Variants in TMEM132C observed in about 807,000 individuals in gnomAD.
TMEM132C encodes transmembrane protein 132C.
In TMEM132C, 29 loss-of-function variants were observed where a neutral mutation model predicts 61.4. The observed-to-expected ratio is 0.47, with a 90% CI of 0.35 to 0.64. TMEM132C has a LOEUF of 0.64. TMEM132C is among the 30% of genes least tolerant of loss of function. TMEM132C has a pLI of 0.00. For synonymous variants in TMEM132C, 656 were observed against 633.1 expected (o/e 1.04, Z -0.54); for missense variants, 1,408 against 1,476.9 (o/e 0.95, Z 0.76).
intron 2 of TMEM132C, among the ~76,000 whole-genome samples, chr12:128,492,005 T>A (rs1398411318): frequency 6.6e-6 from 1 of 151,882 alleles, no homozygotes; most frequent in Non-Finnish European, 1.5e-5. Context: ...CCCCACTCCC[T>A]GCACCCCACG....
intron 1 of TMEM132C, among the ~76,000 whole-genome samples, chr12:128,407,984 G>A (rs1281661632): frequency 6.6e-6 from 1 of 152,066 alleles, no homozygotes; most frequent in Non-Finnish European, 1.5e-5. Flanking sequence ...TTTATGGAAA[G>A]TGAAGCTCCC....
chr12:128,477,890 A>G (rs1365501692), intron 2 of TMEM132C, among the ~76,000 whole-genome samples: 1 of 152,216 alleles, frequency 6.6e-6, no homozygotes, highest in East Asian at 1.9e-4. Context: ...CTGGGCAGGC[A>G]CCTTTTTATT....
intron 1 of TMEM132C, among the ~76,000 whole-genome samples, chr12:128,287,120 T>C (rs1426063149): frequency 6.6e-6 from 1 of 152,172 alleles, no homozygotes; most frequent in Non-Finnish European, 1.5e-5. Context: ...GGCAAGATTA[T>C]TGTTTATTGC....
intron 2 of TMEM132C, among the ~76,000 whole-genome samples, chr12:128,440,256 A>G (rs1032879205): frequency 2.0e-5 from 3 of 152,200 alleles, no homozygotes; most frequent in Non-Finnish European, 2.9e-5. Flanking sequence ...TTTTGTCTCT[A>G]CAAGGCTTTA....
chr12:128,334,655 G>A (rs932699628), intron 1 of TMEM132C, among the ~76,000 whole-genome samples: 6 of 150,572 alleles, frequency 4.0e-5, no homozygotes, highest in Admixed American at 2.6e-4. Flanking sequence ...GAGTGCAGTA[G>A]CCCAATCTCA....
At chr12:128,571,623 C>T (rs917875997) in intron 3 of TMEM132C, among the ~76,000 whole-genome samples, 2 of 152,152 alleles carry the variant, frequency 1.3e-5, no homozygotes, top group African/African-American at 4.8e-5. Flanking sequence ...CTCATCTAAG[C>T]ACCTCGTGTA....
At chr12:128,538,066 G>T (rs769362902) in intron 2 of TMEM132C, among the ~76,000 whole-genome samples, 7 of 151,934 alleles carry the variant, frequency 4.6e-5, no homozygotes, top group Non-Finnish European at 7.4e-5. Flanking sequence ...CCATAGCTGG[G>T]ACTACAGGCA....
rs149861819 is a variant in TMEM132C at position 128,702,412 on chromosome 12, T to C, written c.2122-2678T>C. Among the ~76,000 whole-genome samples, 1,363 of 152,316 alleles carry C rather than the reference T, an allele frequency of 8.9e-3. 89 individuals carry two copies. Among genetic ancestry groups the C allele is most frequent in the Admixed American group, 0.075 (1,145 of 15,294 alleles). On this transcript the variant is annotated intron_variant, in intron 8 of 8. Coordinates refer to ENST00000435159, the MANE Select transcript of TMEM132C (RefSeq NM_001136103.3). The stretch of plus-strand genomic sequence containing the variant: ...TTTCATAAATAACATTATTTATTGT[T>C]TTATTTCATAGACTGTTGTTTTTTG...
At chr12:128,317,515 A>G (rs1464208295) in intron 1 of TMEM132C, among the ~76,000 whole-genome samples, 4 of 152,206 alleles carry the variant, frequency 2.6e-5, no homozygotes, top group African/African-American at 9.6e-5. Context: ...TATAGTCTAC[A>G]TTTCTTTTCT....
At position 128,498,516 on chromosome 12, in the gene TMEM132C, A is replaced by T. The variant is rs529237960; in HGVS notation, c.975-45441A>T. Among the ~76,000 whole-genome samples, 29 of 152,194 alleles carry T rather than the reference A, an allele frequency of 1.9e-4. 1 individual carries two copies. Among genetic ancestry groups the T allele is most frequent in the Admixed American group, 9.8e-4 (15 of 15,288 alleles). On this transcript the variant is annotated intron_variant, in intron 2 of 8. Transcript: ENST00000435159. ...CATGGTGAAACCCTATCTCTATTAA[A>T]AATACAAAATTAGCTGGGTTTGGTG...
At chr12:128,279,712 C>T (rs1566040140) in intron 1 of TMEM132C, among the ~76,000 whole-genome samples, 1 of 152,178 alleles carries the variant, frequency 6.6e-6, no homozygotes, top group African/African-American at 2.4e-5. Context: ...GCCAAGGGCA[C>T]CTCCTCATGG....
chr12:128,356,991 A>C (rs1398312058), intron 1 of TMEM132C, among the ~76,000 whole-genome samples: 1 of 152,162 alleles, frequency 6.6e-6, no homozygotes, highest in Non-Finnish European at 1.5e-5. Context: ...TCGCTCTCTC[A>C]CACACATACA....
intron 2 of TMEM132C, among the ~76,000 whole-genome samples, chr12:128,456,216 A>G (rs1043747496): frequency 3.3e-5 from 5 of 152,084 alleles, no homozygotes; most frequent in African/African-American, 1.2e-4. Context: ...GACAGCAGAC[A>G]CACAAAGACT....
intron 1 of TMEM132C, among the ~76,000 whole-genome samples, chr12:128,283,536 C>T (rs1031218624): frequency 8.5e-5 from 13 of 152,094 alleles, no homozygotes; most frequent in African/African-American, 2.2e-4. Context: ...GCATCTCTCT[C>T]TCTCTCTCTC....
At chr12:128,297,470 T>A (rs1871449404) in intron 1 of TMEM132C, among the ~76,000 whole-genome samples, 1 of 152,242 alleles carries the variant, frequency 6.6e-6, no homozygotes, top group Non-Finnish European at 1.5e-5. Flanking sequence ...GGGTCTCTAA[T>A]AAGCTTCGCC....
At chr12:128,699,236 C>T (rs898423542) in intron 8 of TMEM132C, among the ~76,000 whole-genome samples, 1 of 152,136 alleles carries the variant, frequency 6.6e-6, no homozygotes, top group Non-Finnish European at 1.5e-5. Flanking sequence ...TGCTATGTAA[C>T]GACGGCCACA....
intron 1 of TMEM132C, among the ~76,000 whole-genome samples, chr12:128,370,860 C>T (rs1353357901): frequency 2.0e-5 from 3 of 152,248 alleles, no homozygotes; most frequent in Middle Eastern, 3.4e-3. Context: ...TCCTGCACGG[C>T]ACCAGAATAA....
chr12:128,276,190 C>T (rs760711491), intron 1 of TMEM132C, among the ~76,000 whole-genome samples: 5 of 152,022 alleles, frequency 3.3e-5, no homozygotes, highest in South Asian at 2.1e-4. Context: ...CTATTGCATG[C>T]GGTAAGACTT....
chr12:128,513,287 C>T lies in TMEM132C; in HGVS notation c.975-30670C>T, dbSNP rs780731161. Among the ~76,000 whole-genome samples the T allele has an allele frequency of 6.2e-4, 95 of 152,136 alleles. 1 individual carries two copies. The highest frequency in any genetic ancestry group is 2.3e-3 in the African/African-American group (94 of 41,428). On this transcript the variant is annotated intron_variant, in intron 2 of 8. Coordinates refer to ENST00000435159, the MANE Select transcript of TMEM132C (RefSeq NM_001136103.3). ...GCTGCGGGGTGTCAGTATGGAATAACCTCCTCTGCCTCCCCCTCCTCCAGC... is the reference window on the plus strand; with the variant it reads ...GCTGCGGGGTGTCAGTATGGAATAATCTCCTCTGCCTCCCCCTCCTCCAGC...
Sources: allele counts gnomAD v4.1 joint callset (sites outside exome capture counted in the v4.1 genomes callset), GRCh38; gene constraint gnomAD v4.1.1; transcripts MANE v1.5; gene names NCBI Gene and HGNC (gene_info 2026-07-23, HGNC 2026-07-21).